The following OCRL variants were observed in gnomAD, a reference collection of about 807,000 sequenced individuals.
The protein encoded by OCRL is OCRL inositol polyphosphate-5-phosphatase.
In OCRL, 8 loss-of-function variants were observed where a neutral mutation model predicts 78.9. The ratio of observed to expected loss-of-function variants is 0.10; its 90% CI spans 0.06 to 0.18. OCRL has a LOEUF of 0.18. Among genes scored for constraint, OCRL ranks in the 10% least tolerant of loss-of-function variants. The pLI, the probability that OCRL is intolerant of heterozygous loss-of-function variation, is 1.00. For missense variants in OCRL, 454 were observed against 696.7 expected, an observed-to-expected ratio of 0.65 and a Z score of 3.92; for synonymous variants, 240 against 235.4, an observed-to-expected ratio of 1.02 and a Z score of -0.18.
At chrX:129,546,501 GT>G (rs769233978) in intron 3 of OCRL, among the ~76,000 whole-genome samples, 4 of 112,259 alleles carry the variant, frequency 3.6e-5, no homozygotes, top group Admixed American at 1.9e-4. Context: ...GAATGCATGT[GT>G]TAAGAATTAA....
rs1387721523 is a variant in OCRL at position 129,561,233 on chromosome X, G to A, written c.879G>A (p.Lys293=). The A allele has an allele frequency of 2.5e-6, 3 of 1,209,355 alleles. No individual in the cohort carries two copies. The South Asian group carries it at 5.3e-5, about 21-fold the overall frequency. ...TEAFFYFESV[K]EQEWSMAVER... ...CCTTCTTCTACTTTGAATCTGTGAA[G>A]GAACAAGAATGGTCCATGGCTGTAG... The change falls in exon 10 of 24, where the codon AAG becomes AAA. Residue 293 remains lysine, a synonymous_variant. Coordinates refer to ENST00000371113, the MANE Select transcript of OCRL (RefSeq NM_000276.4).
At chrX:129,584,958 C>CA (rs1936490453) in intron 19 of OCRL, among the ~76,000 whole-genome samples, 3 of 111,610 alleles carry the variant, frequency 2.7e-5, no homozygotes, top group African/African-American at 6.6e-5. Context: ...AAGTCATGCA[C>CA]TGTACCCACT....
intron 3 of OCRL, 74 bp from the exon 4 acceptor site, chrX:129,548,489 A>G (rs1935918860): frequency 1.3e-6 from 1 of 750,861 alleles, no homozygotes; most frequent in Admixed American, 2.2e-5. Flanking sequence ...TTATTTAGTT[A>G]GGCATGTATT....
chrX:129,585,957 A>G lies in OCRL; in HGVS notation c.2140-1045A>G, dbSNP rs757523009. Among the ~76,000 whole-genome samples, 3 of 111,098 alleles carry G rather than the reference A, an allele frequency of 2.7e-5. No individual in the cohort carries two copies. The South Asian group carries it at 1.2e-3, about 43-fold the overall frequency. Reference sequence around the variant, plus strand: ...CACAAGTTGCACAATGTTAGGCAAGAATTTCTTAGTTAAACATACAGAATA... The same window carrying G: ...CACAAGTTGCACAATGTTAGGCAAGGATTTCTTAGTTAAACATACAGAATA... On this transcript the variant is annotated intron_variant, in intron 19 of 23. Transcript: ENST00000371113.
rs186477446 is a variant in OCRL, at chrX:129,549,003, T to G, written c.238+402T>G. ...TACATTTTAAGTTTTTTCCCTACCC[T>G]CTTTTTAAATTTTGTGTGTTAAGTC... On this transcript the variant is annotated intron_variant, in intron 4 of 23. Coordinates refer to ENST00000371113, the MANE Select transcript of OCRL (RefSeq NM_000276.4). Among the ~76,000 whole-genome samples, 5 of 111,499 alleles carry G rather than the reference T, an allele frequency of 4.5e-5. No individual in the cohort carries two copies. The East Asian group carries it at 1.4e-3, about 31-fold the overall frequency.
rs765822516 is a variant in OCRL, at chrX:129,567,461, C to A, written c.1466+98C>A. 2.3e-4 allele frequency: 129 copies of A among 559,232 alleles called. 1 individual carries two copies. In the African/African-American group the frequency reaches 2.9e-3, roughly 12 times the overall value. The allele number at this position is 559,232 out of a possible 1,213,427, so 46.1% of individuals were successfully genotyped here. A position where few individuals can be genotyped will look rare whatever the true frequency, so the allele number is the denominator to read the frequency against. On this transcript the variant is annotated intron_variant, in intron 14 of 23. Coordinates refer to ENST00000371113, the MANE Select transcript of OCRL (RefSeq NM_000276.4). ...GGGCTAGGAATTTTTTAGGCCATGCCATAAGCAGATATATAAACCTAATGG... is the reference window on the plus strand; with the variant it reads ...GGGCTAGGAATTTTTTAGGCCATGCAATAAGCAGATATATAAACCTAATGG...
rs376622194 is a variant in OCRL at position 129,558,833 on chromosome X, T to A, written c.561-7T>A. Reference sequence around the variant, plus strand: ...TTTTACTTTTGAATCTCTCATTTATTTGCTAGGCTTCCACGTGAAAAAGAA... The same window carrying A: ...TTTTACTTTTGAATCTCTCATTTATATGCTAGGCTTCCACGTGAAAAAGAA... On this transcript the variant is annotated splice_polypyrimidine_tract_variant and splice_region_variant and intron_variant, in intron 7 of 23. Transcript: ENST00000371113. 5.5e-5 allele frequency: 66 copies of A among 1,210,795 alleles called. No homozygotes were observed. Among genetic ancestry groups the A allele is most frequent in the Middle Eastern group, 2.3e-4 (1 of 4,375 alleles).
rs757079214 is a variant in OCRL at position 129,557,965 on chromosome X, C to G, written c.439+15C>G. On this transcript the variant is annotated intron_variant, in intron 6 of 23. Coordinates refer to ENST00000371113, the MANE Select transcript of OCRL (RefSeq NM_000276.4). ...TGTTTTTTCAGGTACTAAAAAGTTCCTGGTTTCCTTGTTGCTATGGTCATT... is the reference window on the plus strand; with the variant it reads ...TGTTTTTTCAGGTACTAAAAAGTTCGTGGTTTCCTTGTTGCTATGGTCATT... 2.3e-5 allele frequency: 25 copies of G among 1,069,735 alleles called. No individual in the cohort carries two copies. Among genetic ancestry groups the G allele is most frequent in the Non-Finnish European group, 2.6e-5 (20 of 766,998 alleles). 88.2% of individuals were successfully genotyped at this position (1,069,735 alleles called of 1,213,427 possible).
At chrX:129,569,637 G>A (rs1936270974) in intron 15 of OCRL, among the ~76,000 whole-genome samples, 1 of 110,607 alleles carries the variant, frequency 9.0e-6, no homozygotes, top group Non-Finnish European at 1.9e-5. Flanking sequence ...TGGTTAGGTG[G>A]TAACTTGAGC....
chrX:129,569,161 G>T, intron 14 of OCRL, 103 bp from the exon 15 acceptor site: 1 of 928,786 alleles, frequency 1.1e-6, no homozygotes, highest in South Asian at 2.0e-5. Flanking sequence ...ACGGTTCTTT[G>T]GGAGCATGTA....
rs770155745 is a variant in OCRL, at chrX:129,569,323, A to C, written c.1526A>C (p.Asn509Thr). 3 of 1,211,235 alleles carry C rather than the reference A, an allele frequency of 2.5e-6. No homozygotes were observed. In the East Asian group the frequency reaches 8.9e-5, roughly 36 times the overall value. Residue 509 changes from asparagine (N) to threonine (T), a missense_variant, in exon 15 of 24, where the codon AAT becomes ACT. Physicochemically the swap from Asn to Thr is moderately conservative, Grantham distance 65. This residue lies in a region of OCRL where 277 missense variants were observed against 517.1 expected (regional missense o/e 0.54). Coordinates refer to ENST00000371113, the MANE Select transcript of OCRL (RefSeq NM_000276.4). The stretch of plus-strand genomic sequence containing the variant: ...ATTCTTTGGAGAGGAACAAATGTTA[A>C]TCAGCTTAATTATCGGAGTCACATG... ...DRILWRGTNV[N>T]QLNYRSHMEL...
At chrX:129,541,920 G>C (rs1326507188) in intron 2 of OCRL, among the ~76,000 whole-genome samples, 1 of 112,150 alleles carries the variant, frequency 8.9e-6, no homozygotes, top group Non-Finnish European at 1.9e-5. Flanking sequence ...TGCTTAGTCA[G>C]CTCTACTGGG....
chrX:129,573,140 T>G lies in OCRL; in HGVS notation c.1603-2000T>G, dbSNP rs183887742. 2.1e-4 allele frequency among the ~76,000 whole-genome samples: 24 copies of G among 111,980 alleles called. No homozygotes were observed. In the East Asian group the frequency reaches 6.7e-3, roughly 31 times the overall value. On this transcript the variant is annotated intron_variant, in intron 15 of 23. Transcript: ENST00000371113. The stretch of plus-strand genomic sequence containing the variant: ...TGTTTGATCCTCGGTTCTCTAAGAG[T>G]TACAGTTCAAATATGTGAAAAACTT...
At chrX:129,564,149 C>T (rs1227850775) in intron 12 of OCRL, among the ~76,000 whole-genome samples, 11 of 110,650 alleles carry the variant, frequency 9.9e-5, no homozygotes, top group East Asian at 2.8e-4. Context: ...ATCAGAGAAA[C>T]GCAAATCAAA....
chrX:129,583,022 G>A (rs1936465157), intron 18 of OCRL, among the ~76,000 whole-genome samples: 1 of 111,973 alleles, frequency 8.9e-6, no homozygotes, highest in Non-Finnish European at 1.9e-5. Flanking sequence ...AGTCACTGGG[G>A]AGGTATGAGG....
chrX:129,549,869 G>C (rs1935936244), intron 4 of OCRL: 1 of 112,360 alleles, frequency 8.9e-6, no homozygotes, highest in East Asian at 2.8e-4. Context: ...CATTAGCCAT[G>C]TGTTGCTATG....
chrX:129,547,622 C>G (rs150592467), intron 3 of OCRL, among the ~76,000 whole-genome samples: 2 of 110,779 alleles, frequency 1.8e-5, no homozygotes, highest in East Asian at 5.6e-4. Context: ...CATACAATAT[C>G]TATGTCTTGA....
In OCRL at chrX:129,557,886, G is replaced by A. The variant is rs773022942; in HGVS notation, c.375G>A (p.Glu125=). 8.3e-7 allele frequency: 1 copy of A among 1,203,830 alleles called. No homozygotes were observed. Among genetic ancestry groups the A allele is most frequent in the South Asian group, 1.8e-5 (1 of 56,809 alleles). Residue 125 remains glutamate, a synonymous_variant, in exon 6 of 24, where the codon GAG becomes GAA. Transcript: ENST00000371113. ...CTCAGTCACAGCTTCTTGTTCCAGA[G>A]CAAAAGGACTCATCTAGCTGGTACC... ...QKAQSQLLVP[E]QKDSSSWYQK...
intron 19 of OCRL, among the ~76,000 whole-genome samples, chrX:129,585,779 A>G (rs1341681045): frequency 3.6e-5 from 4 of 112,246 alleles, no homozygotes; most frequent in Non-Finnish European, 7.5e-5. Flanking sequence ...GGAAAGGCAC[A>G]GCAGCTTTTA....
Sources: allele counts gnomAD v4.1 joint callset (sites outside exome capture counted in the v4.1 genomes callset), GRCh38; gene constraint gnomAD v4.1.1; regional missense constraint gnomAD v4.1.1; transcripts MANE v1.5; gene names NCBI Gene and HGNC (gene_info 2026-07-23, HGNC 2026-07-21).